Variants in SLFN12L observed in about 807,000 individuals in gnomAD.
The protein encoded by SLFN12L is schlafen family member 12 like, also known as schlafen family member 12-like.
Under a neutral mutation model 34.8 loss-of-function variants are expected in SLFN12L, and 34 were observed. That is an observed-to-expected ratio of 0.98 (90% CI 0.74 to 1.30). SLFN12L has a LOEUF of 1.30. Ranked by LOEUF, SLFN12L falls within the 50% of genes most tolerant of loss-of-function variation. The probability of loss-of-function intolerance (pLI) is 0.00; values close to 1 mark genes in which losing one functional copy is unlikely to be tolerated. For synonymous variants in SLFN12L, 259 were observed against 247.5 expected (o/e 1.05, Z -0.44); for missense variants, 703 against 696.2 (o/e 1.01, Z -0.11).
At chr17:35,500,854 G>A (rs1442023607) in intron 2 of SLFN12L, among the ~76,000 whole-genome samples, 2 of 152,128 alleles carry the variant, frequency 1.3e-5, no homozygotes, top group African/African-American at 4.8e-5. Context: ...ACCGGTGTAT[G>A]CAGCTCCCAG....
In SLFN12L at chr17:35,474,627, G is replaced by T; in HGVS notation, c.*296C>A. ...GTCAAAGGCTAATTGGTCTATAAAA[G>T]AATTGATTCTCCAGCCGGGCGCGGT... On this transcript the variant is annotated 3_prime_UTR_variant, in exon 5 of 5. Transcript: ENST00000628453. The T allele has an allele frequency of 3.7e-6, 1 of 273,120 alleles. No homozygotes were observed. The highest frequency in any genetic ancestry group is 6.9e-6 in the Non-Finnish European group (1 of 144,352). 16.9% of individuals were successfully genotyped at this position (273,120 alleles called of 1,614,324 possible).
intron 1 of SLFN12L, among the ~76,000 whole-genome samples, chr17:35,528,380 T>A (rs958321795): frequency 1.1e-3 from 140 of 125,174 alleles, no homozygotes; most frequent in Non-Finnish European, 1.0e-3. Flanking sequence ...CAAGCCTGCA[T>A]AGCCAAGACA....
chr17:35,506,304 A>G (rs1567674454), intron 2 of SLFN12L, among the ~76,000 whole-genome samples: 1 of 152,214 alleles, frequency 6.6e-6, no homozygotes. Flanking sequence ...GCAGAAAATA[A>G]GTACATTTGT....
Position 35,493,979 on chromosome 17 carries a change from C to T in SLFN12L, c.87-13784G>A, listed in dbSNP as rs369398791. Among the ~76,000 whole-genome samples, 12 of 151,484 alleles carry T rather than the reference C, an allele frequency of 7.9e-5. No homozygotes were observed. In the South Asian group the frequency reaches 1.7e-3, roughly 21 times the overall value. On this transcript the variant is annotated intron_variant, in intron 2 of 4. Transcript: ENST00000628453. Reference sequence around the variant, plus strand: ...TTGCAGTATTCAAAGCTTAAGCTTTCGGGAAAAAGAAAATAAGAATTCAGT... The same window carrying T: ...TTGCAGTATTCAAAGCTTAAGCTTTTGGGAAAAAGAAAATAAGAATTCAGT...
At chr17:35,507,815 G>T (rs1489451445) in intron 2 of SLFN12L, among the ~76,000 whole-genome samples, 1 of 152,212 alleles carries the variant, frequency 6.6e-6, no homozygotes, top group African/African-American at 2.4e-5. Flanking sequence ...TGTACTATAT[G>T]AATCACTATC....
At chr17:35,498,452 T>C in intron 2 of SLFN12L, 1 of 1,305,036 alleles carries the variant, frequency 7.7e-7, no homozygotes, top group South Asian at 1.2e-5. Flanking sequence ...GACTGCGGAA[T>C]TTTCTCATCG....
chr17:35,476,988 A>T (rs1914061095), intron 4 of SLFN12L, among the ~76,000 whole-genome samples: 1 of 152,226 alleles, frequency 6.6e-6, no homozygotes, highest in African/African-American at 2.4e-5. Context: ...AGGGACTTTA[A>T]AATAACTGTT....
At position 35,471,406 on chromosome 17, in the gene SLFN12L, G is replaced by A. The variant is rs951656309; in HGVS notation, c.*3517C>T. ...CCCGCCTCAGCCTCCCAAAGTGCTG[G>A]GATTACAGGCATGAGCCACCGCGCC... is the stretch of plus-strand genomic sequence containing the variant. On this transcript the variant is annotated 3_prime_UTR_variant, in exon 5 of 5. Coordinates refer to ENST00000628453, the MANE Select transcript of SLFN12L (RefSeq NM_001363830.2). 6.6e-6 allele frequency among the ~76,000 whole-genome samples: 1 copy of A among 152,092 alleles called. No homozygotes were observed. The highest frequency in any genetic ancestry group is 1.5e-5 in the Non-Finnish European group (1 of 68,016).
intron 2 of SLFN12L, among the ~76,000 whole-genome samples, chr17:35,513,246 A>T (rs8068906): frequency 6.6e-6 from 1 of 152,088 alleles, no homozygotes; most frequent in East Asian, 1.9e-4. Flanking sequence ...TGTGTGAGTC[A>T]CCTAGTCAAA....
intron 2 of SLFN12L, among the ~76,000 whole-genome samples, chr17:35,486,919 A>G (rs1358816249): frequency 6.6e-6 from 1 of 152,202 alleles, no homozygotes; most frequent in African/African-American, 2.4e-5. Context: ...AAAAGCATAG[A>G]GCGTGATTTG....
intron 2 of SLFN12L, chr17:35,498,897 A>G (rs1475552680): frequency 1.4e-6 from 1 of 697,364 alleles, no homozygotes; most frequent in Non-Finnish European, 2.6e-6. Flanking sequence ...GGCCCCTGAT[A>G]TGCCCAGCCC....
At chr17:35,478,276 A>G (rs1451836772) in intron 3 of SLFN12L, 91 bp from the exon 4 acceptor site, 7 of 743,358 alleles carry the variant, frequency 9.4e-6, no homozygotes, top group African/African-American at 3.7e-5. Context: ...CCAAACGTCT[A>G]CTTAGAACTG....
chr17:35,522,446 G>C lies in SLFN12L; in HGVS notation c.-82C>G. 6.2e-7 allele frequency: 1 copy of C among 1,614,098 alleles called. No homozygotes were observed. Among genetic ancestry groups the C allele is most frequent in the South Asian group, 1.1e-5 (1 of 91,082 alleles). On this transcript the variant is annotated 5_prime_UTR_variant, in exon 2 of 5. Coordinates refer to ENST00000628453, the MANE Select transcript of SLFN12L (RefSeq NM_001363830.2). ...CTCTGTTCTTGTGGAAGCTTCTGGA[G>C]AATATCTCATACTGCTGGGCTGTGA...
intron 1 of SLFN12L, among the ~76,000 whole-genome samples, chr17:35,529,631 G>A (rs1430614264): frequency 6.6e-6 from 1 of 151,940 alleles, no homozygotes; most frequent in Admixed American, 6.6e-5. Flanking sequence ...TCTCATAAGT[G>A]GGAGTTGAAC....
chr17:35,468,545 T>G lies in SLFN12L; in HGVS notation c.*6378A>C, dbSNP rs1393743733. On this transcript the variant is annotated 3_prime_UTR_variant, in exon 5 of 5. Coordinates refer to ENST00000628453, the MANE Select transcript of SLFN12L (RefSeq NM_001363830.2). ...GGACTGCCTCTTCTCAGGCACAAACTGCACACCGAACATTTGGCCTTTTTT... is the reference window on the plus strand; with the variant it reads ...GGACTGCCTCTTCTCAGGCACAAACGGCACACCGAACATTTGGCCTTTTTT... 6.6e-6 allele frequency among the ~76,000 whole-genome samples: 1 copy of G among 152,164 alleles called. No homozygotes were observed. Among genetic ancestry groups the G allele is most frequent in the African/African-American group, 2.4e-5 (1 of 41,426 alleles).
chr17:35,467,685 AC>A lies in SLFN12L; in HGVS notation c.*7237del, dbSNP rs144219691. On this transcript the variant is annotated 3_prime_UTR_variant, in exon 5 of 5. Transcript: ENST00000628453. Reference sequence around the variant, plus strand: ...TATTTTTATAGATTTTCAATATCAAACCCCCCCCATCAGGAGGCCACAGCAG... The same window carrying A: ...TATTTTTATAGATTTTCAATATCAAACCCCCCCATCAGGAGGCCACAGCAG... Among the ~76,000 whole-genome samples the A allele has an allele frequency of 1.3e-5, 2 of 150,848 alleles. No individual in the cohort carries two copies. Among genetic ancestry groups the A allele is most frequent in the African/African-American group, 4.9e-5 (2 of 40,996 alleles).
chr17:35,512,526 C>G (rs1030878076), intron 2 of SLFN12L, among the ~76,000 whole-genome samples: 1 of 152,012 alleles, frequency 6.6e-6, no homozygotes, highest in Admixed American at 6.5e-5. Context: ...CCACCATGTC[C>G]GGCTAATTTT....
At chr17:35,494,799 A>G (rs1914979472) in intron 2 of SLFN12L, among the ~76,000 whole-genome samples, 1 of 152,226 alleles carries the variant, frequency 6.6e-6, no homozygotes, top group Non-Finnish European at 1.5e-5. Flanking sequence ...ACGCAGGGCC[A>G]GGCAAAGGCA....
chr17:35,495,677 C>T (rs936363183), intron 2 of SLFN12L, among the ~76,000 whole-genome samples: 49 of 150,392 alleles, frequency 3.3e-4, no homozygotes, highest in Non-Finnish European at 6.7e-4. Flanking sequence ...CCCTACCCCA[C>T]CCCACCCCCA....
Sources: gnomAD v4.1 joint callset for allele counts (sites outside exome capture counted in the v4.1 genomes callset) on GRCh38, gnomAD v4.1.1 for gene constraint, MANE v1.5 for transcripts, NCBI Gene and HGNC (gene_info 2026-07-23, HGNC 2026-07-21) for gene names.